The following ERBB4 variants were observed in gnomAD, a reference collection of about 807,000 sequenced individuals.
ERBB4 encodes the protein erb-b2 receptor tyrosine kinase 4, also known as receptor tyrosine-protein kinase erbB-4.
ERBB4 carries 42 observed loss-of-function variants against 158.0 expected under a neutral mutation model. The ratio of observed to expected loss-of-function variants is 0.27; its 90% CI spans 0.21 to 0.34. The LOEUF (loss-of-function observed/expected upper bound fraction) is 0.34. ERBB4 is among the 10% of genes least tolerant of loss of function. ERBB4 has a pLI of 1.00. For synonymous variants in ERBB4, 583 were observed against 558.7 expected, an observed-to-expected ratio of 1.04 and a Z score of -0.61; for missense variants, 1,333 against 1,624.1, an observed-to-expected ratio of 0.82 and a Z score of 3.08.
At chr2:212,482,607 C>T (rs1246504695) in intron 1 of ERBB4, among the ~76,000 whole-genome samples, 3 of 152,026 alleles carry the variant, frequency 2.0e-5, no homozygotes, top group Non-Finnish European at 4.4e-5. Context: ...ATATTTAACT[C>T]AACTTCTTTG....
intron 3 of ERBB4, among the ~76,000 whole-genome samples, chr2:211,827,146 G>A (rs2077118367): frequency 6.6e-6 from 1 of 151,878 alleles, no homozygotes; most frequent in African/African-American, 2.4e-5. Context: ...TAGAATGTTA[G>A]ACTCTTACCC....
chr2:211,989,288 C>T (rs530317798), intron 2 of ERBB4, among the ~76,000 whole-genome samples: 2 of 151,954 alleles, frequency 1.3e-5, no homozygotes, highest in South Asian at 2.1e-4. Flanking sequence ...ATAAAATATT[C>T]CCTAGCAAAG....
chr2:211,386,806 G>A (rs2062693346), intron 27 of ERBB4, 47 bp downstream of exon 27: 3 of 1,585,898 alleles, frequency 1.9e-6, no homozygotes, highest in Middle Eastern at 1.7e-4. Context: ...TTATCTTGAT[G>A]GAAGTGAACT....
At chr2:211,618,673 A>ATTTGTAACAGTGTTTAGCAC (rs2069483099) in intron 19 of ERBB4, among the ~76,000 whole-genome samples, 1 of 152,098 alleles carries the variant, frequency 6.6e-6, no homozygotes, top group African/African-American at 2.4e-5. Context: ...TTTGTGAATT[A>ATTTGTAACAGTGTTTAGCAC]TTTGTAACAG....
At position 212,273,747 on chromosome 2, in the gene ERBB4, T is replaced by A. The variant is rs112848941; in HGVS notation, c.83-148844A>T. ...ATGGTTTCCTTCACATATATGTTGC[T>A]GATTATAAACTTCACACCTTTGTAA... On this transcript the variant is annotated intron_variant, in intron 1 of 27. Coordinates refer to ENST00000342788, the MANE Select transcript of ERBB4 (RefSeq NM_005235.3). Among the ~76,000 whole-genome samples, 772 of 151,952 alleles carry A rather than the reference T, an allele frequency of 5.1e-3. 4 individuals are homozygous for A. Among genetic ancestry groups the A allele is most frequent in the Middle Eastern group, 0.017 (5 of 294 alleles).
At chr2:211,888,986 T>C (rs1205723034) in intron 3 of ERBB4, among the ~76,000 whole-genome samples, 2 of 148,294 alleles carry the variant, frequency 1.3e-5, no homozygotes, top group Non-Finnish European at 3.0e-5. Context: ...GCGCCCGCCA[T>C]TGCCCAGGCT....
chr2:211,916,158 A>C (rs2079683397), intron 3 of ERBB4, among the ~76,000 whole-genome samples: 2 of 151,296 alleles, frequency 1.3e-5, no homozygotes, highest in South Asian at 4.2e-4. Context: ...ATTGGATGAA[A>C]TTATTATTAT....
chr2:211,754,706 CTT>C (rs199650314), intron 4 of ERBB4, among the ~76,000 whole-genome samples: 1 of 139,888 alleles, frequency 7.1e-6, no homozygotes, highest in African/African-American at 2.7e-5. Flanking sequence ...TGTGCCCGAG[CTT>C]TTTTTTTTTG....
At chr2:211,393,255 C>T (rs1053478299) in intron 25 of ERBB4, among the ~76,000 whole-genome samples, 3 of 152,050 alleles carry the variant, frequency 2.0e-5, no homozygotes, top group African/African-American at 7.2e-5. Context: ...TATTATGTAC[C>T]TACCCTATAC....
chr2:211,992,739 G>A (rs2082110049), intron 2 of ERBB4, among the ~76,000 whole-genome samples: 1 of 152,098 alleles, frequency 6.6e-6, no homozygotes, highest in Admixed American at 6.6e-5. Context: ...TCTTTACTCG[G>A]ATACCAGGAA....
Position 212,538,621 on chromosome 2 carries a change from CGCGCGTGGGGGTGCGAGGG to C in ERBB4, c.-110_-92del, listed in dbSNP as rs1693248751. ...ACGCGGAGGAGATCCCCCAGCCGGG[CGCGCGTGGGGGTGCGAGGG>C]GGGCGGGCGCGGCGCGCGCGGTGTG... On this transcript the variant is annotated 5_prime_UTR_variant, in exon 1 of 28. Transcript: ENST00000342788. The C allele has an allele frequency of 2.9e-6, 4 of 1,379,196 alleles. No homozygotes were observed. The South Asian group carries it at 4.7e-5, about 16-fold the overall frequency. 85.4% of individuals were successfully genotyped at this position (1,379,196 alleles called of 1,614,324 possible). A position where few individuals can be genotyped will look rare whatever the true frequency, so the allele number is the denominator to read the frequency against.
At chr2:212,375,848 T>C (rs771765077) in intron 1 of ERBB4, among the ~76,000 whole-genome samples, 11 of 152,010 alleles carry the variant, frequency 7.2e-5, no homozygotes, top group Non-Finnish European at 1.0e-4. Context: ...GGGTGAAGCA[T>C]TGGTGAAAGA....
At chr2:211,691,568 A>ATGTG (rs61091828) in intron 12 of ERBB4, among the ~76,000 whole-genome samples, 7,608 of 138,968 alleles carry the variant, frequency 0.055, 278 homozygotes, top group African/African-American at 0.099. Flanking sequence ...ATAGAAACAT[A>ATGTG]TGTGTGTGTG....
chr2:212,434,038 A>T (rs760188642), intron 1 of ERBB4, among the ~76,000 whole-genome samples: 18 of 151,990 alleles, frequency 1.2e-4, no homozygotes, highest in Non-Finnish European at 2.4e-4. Flanking sequence ...TGACTCAATT[A>T]TGTGACTTTA....
intron 20 of ERBB4, among the ~76,000 whole-genome samples, chr2:211,556,659 A>T (rs1258601423): frequency 1.3e-5 from 2 of 152,202 alleles, no homozygotes; most frequent in African/African-American, 2.4e-5. Context: ...AACGCAAAGG[A>T]ACTGAAACCA....
intron 1 of ERBB4, among the ~76,000 whole-genome samples, chr2:212,439,016 T>A (rs1435753586): frequency 6.6e-6 from 1 of 152,126 alleles, no homozygotes; most frequent in Non-Finnish European, 1.5e-5. Flanking sequence ...AAAAACTGGA[T>A]GCCCTTTCAA....
At position 211,963,822 on chromosome 2, in the gene ERBB4, T is replaced by A. The variant is rs576901434; in HGVS notation, c.235-16206A>T. Among the ~76,000 whole-genome samples, 30 of 152,320 alleles carry A rather than the reference T, an allele frequency of 2.0e-4. 1 individual carries two copies. In the South Asian group the frequency reaches 3.1e-3, roughly 16 times the overall value. On this transcript the variant is annotated intron_variant, in intron 2 of 27. Coordinates refer to ENST00000342788, the MANE Select transcript of ERBB4 (RefSeq NM_005235.3). ...AAGTCAGTCATTTCCTTTATAGGCA[T>A]AATTCTTCTTTAATCTCTGAGAAAG...
Position 212,191,635 on chromosome 2 carries a change from A to C in ERBB4, c.83-66732T>G, listed in dbSNP as rs80298915. The stretch of plus-strand genomic sequence containing the variant: ...GTTATATATAACACATGTGTTATGC[A>C]TGCTATATATAACACATGCGTTATA... On this transcript the variant is annotated intron_variant, in intron 1 of 27. Transcript: ENST00000342788. Among the ~76,000 whole-genome samples, 682 of 119,374 alleles carry C rather than the reference A, an allele frequency of 5.7e-3. 36 individuals carry two copies. The highest frequency in any genetic ancestry group is 8.7e-3 in the Non-Finnish European group (457 of 52,612). 78.3% of individuals were successfully genotyped at this position (119,374 alleles called of 152,430 possible).
chr2:212,334,882 G>A (rs974235669), intron 1 of ERBB4, among the ~76,000 whole-genome samples: 35 of 151,934 alleles, frequency 2.3e-4, no homozygotes, highest in Admixed American at 7.2e-4. Flanking sequence ...TTATAAATAC[G>A]TCTGGGGACC....
Sources: gnomAD v4.1 joint callset for allele counts (sites outside exome capture counted in the v4.1 genomes callset) on GRCh38, gnomAD v4.1.1 for gene constraint, MANE v1.5 for transcripts, NCBI Gene and HGNC (gene_info 2026-07-23, HGNC 2026-07-21) for gene names.